FHL1: variants seen among roughly 807,000 people sequenced by gnomAD.
FHL1 encodes four and a half LIM domains protein 1.
In FHL1, 1 loss-of-function variant was observed where a neutral mutation model predicts 20.3. That is an observed-to-expected ratio of 0.05 (90% CI 0.02 to 0.23). FHL1 has a LOEUF of 0.23. Ranked by LOEUF, FHL1 falls within the 10% of genes least tolerant of loss-of-function variation. The pLI, the probability that FHL1 is intolerant of heterozygous loss-of-function variation, is 1.00. For synonymous variants in FHL1, 82 were observed against 88.9 expected, an observed-to-expected ratio of 0.92 and a Z score of 0.44; for missense variants, 177 against 234.0, an observed-to-expected ratio of 0.76 and a Z score of 1.59.
At chrX:136,193,079 A>C (rs1603264024), upstream of FHL1, among the ~76,000 whole-genome samples, 1 of 81,570 alleles carries the variant, frequency 1.2e-5, no homozygotes, top group East Asian at 4.0e-4. Context: ...AAGAAGAGTC[A>C]TGTAAAAAAA....
At chrX:136,203,974 A>G (rs1219628775) in intron 1 of FHL1, among the ~76,000 whole-genome samples, 3 of 112,424 alleles carry the variant, frequency 2.7e-5, no homozygotes, top group African/African-American at 9.7e-5. Context: ...TTATAAAGGT[A>G]TCAAAAGCAA....
At chrX:136,194,717 G>T (rs2073514231), upstream of FHL1, among the ~76,000 whole-genome samples, 1 of 111,962 alleles carries the variant, frequency 8.9e-6, no homozygotes, top group Admixed American at 9.4e-5. Context: ...TGAAACCCGT[G>T]ACTCCAGGTA....
upstream of FHL1, among the ~76,000 whole-genome samples, chrX:136,166,195 A>G (rs1468106395): frequency 8.9e-6 from 1 of 111,985 alleles, no homozygotes; most frequent in Non-Finnish European, 1.9e-5. Flanking sequence ...TAAGTGGGAC[A>G]TGCTAGTACA....
Position 136,210,885 on chromosome X carries a change from C to T in FHL1, c.*860C>T. ...GAAACTTGCATGAAAATATTTTAGC[C>T]CCCTCAGATGTTCCTGCAGTGCTGA... On this transcript the variant is annotated 3_prime_UTR_variant, in exon 6 of 6. Coordinates refer to ENST00000370683, the MANE Select transcript of FHL1 (RefSeq NM_001159699.2). 5.2e-6 allele frequency: 2 copies of T among 384,376 alleles called. No homozygotes were observed. The highest frequency in any genetic ancestry group is 4.9e-6 in the Non-Finnish European group (1 of 203,900). 31.7% of individuals were successfully genotyped at this position (384,376 alleles called of 1,213,427 possible).
At chrX:136,185,418 T>A (rs2073262570) in intron 2 of FHL1, among the ~76,000 whole-genome samples, 2 of 112,517 alleles carry the variant, frequency 1.8e-5, no homozygotes, top group Non-Finnish European at 1.9e-5. Context: ...CAAAGATAGC[T>A]GCCAGTGTAC....
At chrX:136,169,269 G>A (rs1000736016), upstream of FHL1, 2 of 119,338 alleles carry the variant, frequency 1.7e-5, no homozygotes, top group Non-Finnish European at 3.5e-5. Flanking sequence ...GGCCATATTT[G>A]TGTCAGGGTT....
chrX:136,169,821 A>C (rs983494121), intron 1 of FHL1: 2 of 331,269 alleles, frequency 6.0e-6, no homozygotes, highest in Non-Finnish European at 1.2e-5. Context: ...TTTCATAGGA[A>C]GTTGACTTTA....
At chrX:136,208,750 C>T (rs1412352439) in intron 5 of FHL1, 109 bp downstream of exon 5, 2 of 768,556 alleles carry the variant, frequency 2.6e-6, no homozygotes, top group Admixed American at 4.6e-5. Context: ...AGAGAATGCC[C>T]TTCTCCCCCT....
upstream of FHL1, chrX:136,169,477 C>G (rs2072800614): frequency 1.0e-4 from 22 of 219,566 alleles, no homozygotes; most frequent in South Asian, 1.3e-3. Context: ...GATCAGAGCC[C>G]TCCTGTGGCA....
Position 136,179,994 on chromosome X carries a change from C to T in FHL1, c.-27+10014C>T, listed in dbSNP as rs926249213. Among the ~76,000 whole-genome samples, 12 of 111,771 alleles carry T rather than the reference C, an allele frequency of 1.1e-4. No homozygotes were observed. In the South Asian group the frequency reaches 1.5e-3, roughly 14 times the overall value. ...TCAGAGTACGCTGAAGGCATCTGTA[C>T]GCTTTACCCCTAAACACTTCAGCTT... On this transcript the variant is annotated intron_variant, in intron 2 of 6. Coordinates refer to the FHL1 transcript ENST00000394153.
At chrX:136,175,900 C>T (rs2072990648) in intron 2 of FHL1, among the ~76,000 whole-genome samples, 1 of 112,132 alleles carries the variant, frequency 8.9e-6, no homozygotes, top group South Asian at 3.7e-4. Flanking sequence ...TGAGAATCTT[C>T]CACTTTTATG....
intron 1 of FHL1, chrX:136,147,872 C>G (rs866069424): frequency 2.8e-5 from 3 of 106,265 alleles, no homozygotes; most frequent in African/African-American, 1.0e-4. Context: ...GTGCGAGGTC[C>G]CCCCTGGTGC....
chrX:136,189,981 G>T (rs17001871), intron 2 of FHL1, among the ~76,000 whole-genome samples: 2,203 of 111,775 alleles, frequency 0.02, 44 homozygotes, highest in African/African-American at 0.066. Flanking sequence ...AGTCTAAACC[G>T]TTTTACCTGA....
At chrX:136,184,650 A>G (rs1350927917) in intron 2 of FHL1, among the ~76,000 whole-genome samples, 1 of 111,530 alleles carries the variant, frequency 9.0e-6, no homozygotes, top group Non-Finnish European at 1.9e-5. Flanking sequence ...TCTTTTCACA[A>G]AGACCTGCCA....
intron 2 of FHL1, among the ~76,000 whole-genome samples, chrX:136,171,116 C>T (rs1016612134): frequency 2.0e-4 from 22 of 111,687 alleles, no homozygotes; most frequent in African/African-American, 6.5e-4. Context: ...CCAAGGCCCT[C>T]GGGCTTGAAG....
intron 2 of FHL1, among the ~76,000 whole-genome samples, chrX:136,189,972 G>T (rs73633447): frequency 0.011 from 1,245 of 111,991 alleles, 13 homozygotes; most frequent in African/African-American, 0.038. Flanking sequence ...TTATGGTCCA[G>T]TCTAAACCGT....
rs1409258137 is a variant in FHL1, at chrX:136,162,466, T to G, written c.-100-7441T>G. On this transcript the variant is annotated intron_variant, in intron 1 of 7. Transcript: ENST00000394155. ...TTCCAGACCAGCCTGGGCAACATGG[T>G]GAGACTCTGTCTCTACAAAAAATAC... 5.4e-5 allele frequency among the ~76,000 whole-genome samples: 6 copies of G among 112,084 alleles called. No individual in the cohort carries two copies. In the Admixed American group the frequency reaches 5.7e-4, roughly 11 times the overall value.
intron 1 of FHL1, chrX:136,169,767 T>C (rs1030175222): frequency 6.1e-6 from 2 of 329,202 alleles, no homozygotes; most frequent in Non-Finnish European, 1.2e-5. Context: ...TTCCTTTAAC[T>C]CTAAGGGTTG....
chrX:136,171,419 G>A (rs1020766650), intron 2 of FHL1, among the ~76,000 whole-genome samples: 2 of 111,484 alleles, frequency 1.8e-5, no homozygotes, highest in African/African-American at 6.5e-5. Flanking sequence ...TTAGCTCTGT[G>A]CCCTTTCCCA....
Sources: gnomAD v4.1 joint callset for allele counts (sites outside exome capture counted in the v4.1 genomes callset) on GRCh38, gnomAD v4.1.1 for gene constraint, MANE v1.5 for transcripts, NCBI Gene and HGNC (gene_info 2026-07-23, HGNC 2026-07-21) for gene names.